The following DENND1B variants were observed in gnomAD, a reference collection of about 807,000 sequenced individuals.
DENND1B encodes the protein DENN domain containing 1B, also known as DENN domain-containing protein 1B.
DENND1B carries 59 observed loss-of-function variants against 90.1 expected under a neutral mutation model. The ratio of observed to expected loss-of-function variants is 0.65; its 90% CI spans 0.53 to 0.81. DENND1B has a LOEUF of 0.81. DENND1B is among the 40% of genes least tolerant of loss of function. The probability of loss-of-function intolerance (pLI) is 0.00; values close to 1 mark genes in which losing one functional copy is unlikely to be tolerated. For missense variants in DENND1B, 862 were observed against 912.6 expected (o/e 0.94, Z 0.71); for synonymous variants, 337 against 324.6 (o/e 1.04, Z -0.41).
chr1:197,585,663 T>G (rs976699353), intron 14 of DENND1B, among the ~76,000 whole-genome samples: 3 of 152,234 alleles, frequency 2.0e-5, no homozygotes, highest in Admixed American at 1.3e-4. Flanking sequence ...TTAACACGGT[T>G]TATTTACTAA....
chr1:197,745,518 A>G (rs1219367742), intron 2 of DENND1B, among the ~76,000 whole-genome samples: 1 of 151,602 alleles, frequency 6.6e-6, no homozygotes, highest in Non-Finnish European at 1.5e-5. Flanking sequence ...ACATTTATCA[A>G]TCAAGTTTGC....
intron 18 of DENND1B, among the ~76,000 whole-genome samples, chr1:197,544,804 AGAAGAAGAG>A: frequency 7.8e-6 from 1 of 128,366 alleles, no homozygotes; most frequent in Non-Finnish European, 1.8e-5. Flanking sequence ...AGGAGGAAGA[AGAAGAAGAG>A]GAAGAGGAGG....
chr1:197,656,293 A>T (rs565385408), intron 6 of DENND1B, among the ~76,000 whole-genome samples: 1 of 152,180 alleles, frequency 6.6e-6, no homozygotes, highest in Admixed American at 6.5e-5. Context: ...GAAGGTGAGG[A>T]CATAAGTAAA....
chr1:197,696,943 A>T (rs1474639956), intron 3 of DENND1B, among the ~76,000 whole-genome samples: 1 of 151,464 alleles, frequency 6.6e-6, no homozygotes, highest in Non-Finnish European at 1.5e-5. Flanking sequence ...ACATATAAGA[A>T]GCTACGGAAG....
At chr1:197,535,102 T>G (rs1314013692) in intron 20 of DENND1B, among the ~76,000 whole-genome samples, 1 of 152,222 alleles carries the variant, frequency 6.6e-6, no homozygotes, top group African/African-American at 2.4e-5. Context: ...GCAAATATAG[T>G]ACCCTAAATT....
chr1:197,510,546 C>T lies in DENND1B; in HGVS notation c.2242G>A (p.Glu748Lys), dbSNP rs779418746. The T allele has an allele frequency of 6.2e-7, 1 of 1,612,636 alleles. No homozygotes were observed. The highest frequency in any genetic ancestry group is 2.2e-5 in the East Asian group (1 of 44,834). ...ETSEDIGLLH[E>K]VVSLCHMTSD... is the part of the protein sequence containing the mutation. Reference sequence around the variant, plus strand: ...GTCATATGACATAATGACACTACTTCATGGAGCAGTCCAATATCTTCTGAA... The same window carrying T: ...GTCATATGACATAATGACACTACTTTATGGAGCAGTCCAATATCTTCTGAA... Residue 748 changes from glutamate to lysine, a missense_variant, in exon 23 of 23, where the codon GAA (glutamate) becomes AAA (lysine). Physicochemically the swap from Glu to Lys is moderately conservative, Grantham distance 56. Coordinates refer to ENST00000620048, the MANE Select transcript of DENND1B (RefSeq NM_001195215.2).
intron 5 of DENND1B, among the ~76,000 whole-genome samples, chr1:197,671,306 T>C (rs918802652): frequency 6.6e-6 from 1 of 152,136 alleles, no homozygotes; most frequent in African/African-American, 2.4e-5. Flanking sequence ...TTAGAACCCT[T>C]TCTTCCTAAC....
intron 15 of DENND1B, among the ~76,000 whole-genome samples, chr1:197,576,265 C>G (rs963551226): frequency 6.6e-6 from 1 of 152,038 alleles, no homozygotes; most frequent in Non-Finnish European, 1.5e-5. Flanking sequence ...AAGGAACATT[C>G]AATGTGATTG....
intron 11 of DENND1B, among the ~76,000 whole-genome samples, chr1:197,615,788 A>G (rs552575191): frequency 1.3e-5 from 2 of 151,108 alleles, no homozygotes; most frequent in South Asian, 2.1e-4. Context: ...GAAGTTTCAG[A>G]TAACTTCTTG....
rs143384372 is a variant in DENND1B at position 197,767,913 on chromosome 1, A to G, written c.82+4955T>C. On this transcript the variant is annotated intron_variant, in intron 2 of 22. Transcript: ENST00000620048. Reference sequence around the variant, plus strand: ...CCTATACACGTGAAGTCACTATGCAATGGGAGGCAACACAGCAGTAGTTAA... The same window carrying G: ...CCTATACACGTGAAGTCACTATGCAGTGGGAGGCAACACAGCAGTAGTTAA... Among the ~76,000 whole-genome samples the G allele has an allele frequency of 1.0e-3, 152 of 152,320 alleles. 1 individual carries two copies. The highest frequency in any genetic ancestry group is 3.5e-3 in the African/African-American group (145 of 41,568).
At chr1:197,699,312 C>T (rs1438148514) in intron 3 of DENND1B, among the ~76,000 whole-genome samples, 2 of 152,142 alleles carry the variant, frequency 1.3e-5, no homozygotes, top group East Asian at 1.9e-4. Flanking sequence ...ACAAAAACCA[C>T]ACGATTATTT....
At position 197,647,040 on chromosome 1, in the gene DENND1B, G is replaced by A. The variant is rs1450012032; in HGVS notation, c.507+15C>T. The A allele has an allele frequency of 2.1e-6, 3 of 1,462,068 alleles. No homozygotes were observed. The highest frequency in any genetic ancestry group is 3.2e-5 in the Admixed American group (1 of 30,964). 90.6% of individuals were successfully genotyped at this position (1,462,068 alleles called of 1,614,324 possible). Reference sequence around the variant, plus strand: ...TTAATAGTGATTTTTAGAAGCCAATGTCCTTTTAACTCACCGGTACTAGAG... The same window carrying A: ...TTAATAGTGATTTTTAGAAGCCAATATCCTTTTAACTCACCGGTACTAGAG... On this transcript the variant is annotated intron_variant, in intron 8 of 22. Coordinates refer to ENST00000620048, the MANE Select transcript of DENND1B (RefSeq NM_001195215.2).
chr1:197,736,038 A>C, intron 2 of DENND1B: 1 of 924,764 alleles, frequency 1.1e-6, no homozygotes, highest in Non-Finnish European at 1.7e-6. Flanking sequence ...AGGCACCTAC[A>C]AAGGCAGCAC....
At chr1:197,580,971 A>T (rs758284567) in intron 15 of DENND1B, among the ~76,000 whole-genome samples, 1 of 152,146 alleles carries the variant, frequency 6.6e-6, no homozygotes, top group Admixed American at 6.5e-5. Context: ...ACTTCACTTT[A>T]ACTCTTTCCT....
chr1:197,638,923 T>C (rs1301506967), intron 10 of DENND1B, among the ~76,000 whole-genome samples: 2 of 151,562 alleles, frequency 1.3e-5, no homozygotes, highest in East Asian at 3.9e-4. Flanking sequence ...CATGCAAAAA[T>C]ATAATAATAG....
chr1:197,609,044 A>AT (rs930011685), intron 12 of DENND1B, among the ~76,000 whole-genome samples: 11 of 147,680 alleles, frequency 7.4e-5, no homozygotes, highest in South Asian at 4.2e-4. Context: ...GACTTCAGCT[A>AT]TTTTTTTTTT....
chr1:197,775,276 G>T lies in DENND1B; in HGVS notation c.-121C>A. The T allele has an allele frequency of 1.3e-6, 1 of 767,598 alleles. No homozygotes were observed. Among genetic ancestry groups the T allele is most frequent in the Non-Finnish European group, 1.8e-6 (1 of 562,854 alleles). 47.5% of individuals were successfully genotyped at this position (767,598 alleles called of 1,614,324 possible). On this transcript the variant is annotated 5_prime_UTR_variant, in exon 1 of 23. Coordinates refer to ENST00000620048, the MANE Select transcript of DENND1B (RefSeq NM_001195215.2). ...CGCCGGCGGCCACACAGGGAAAGAG[G>T]CTGCTCACAGCAGCCGTGGCGGCGG...
chr1:197,734,364 T>C, intron 2 of DENND1B: 1 of 978,526 alleles, frequency 1.0e-6, no homozygotes, highest in Non-Finnish European at 1.2e-6. Flanking sequence ...TAAGTTATGG[T>C]TGAGTTCATG....
chr1:197,598,597 T>C (rs990007494), intron 13 of DENND1B, among the ~76,000 whole-genome samples: 9 of 151,960 alleles, frequency 5.9e-5, no homozygotes, highest in African/African-American at 2.2e-4. Flanking sequence ...TAACTTTAGT[T>C]ATGAAATAAA....
Sources: gnomAD v4.1 joint callset for allele counts (sites outside exome capture counted in the v4.1 genomes callset) on GRCh38, gnomAD v4.1.1 for gene constraint, MANE v1.5 for transcripts, NCBI Gene and HGNC (gene_info 2026-07-23, HGNC 2026-07-21) for gene names.